The following GRM7 variants were observed in gnomAD, a reference collection of about 807,000 sequenced individuals.
GRM7 encodes metabotropic glutamate receptor 7.
Under a neutral mutation model 84.5 loss-of-function variants are expected in GRM7, and 35 were observed. The ratio of observed to expected loss-of-function variants is 0.41; its 90% CI spans 0.32 to 0.55. The LOEUF (loss-of-function observed/expected upper bound fraction) is 0.55. Among genes scored for constraint, GRM7 ranks in the 20% least tolerant of loss-of-function variants. The probability of loss-of-function intolerance (pLI) is 0.19; values close to 1 mark genes in which losing one functional copy is unlikely to be tolerated. For missense variants in GRM7, 1,003 were observed against 1,194.6 expected (o/e 0.84, Z 2.36); for synonymous variants, 487 against 455.1 (o/e 1.07, Z -0.89).
chr3:6,933,723 G>A lies in GRM7; in HGVS notation c.519+71816G>A, dbSNP rs368849615. On this transcript the variant is annotated intron_variant, in intron 1 of 9. Coordinates refer to ENST00000357716, the MANE Select transcript of GRM7 (RefSeq NM_000844.4). ...CAGGCCACATTTTACCAAATCTGGCGAGAAAAGAAAATTAAAAAAAAAAAC... is the reference window on the plus strand; with the variant it reads ...CAGGCCACATTTTACCAAATCTGGCAAGAAAAGAAAATTAAAAAAAAAAAC... Among the ~76,000 whole-genome samples, 49 of 147,590 alleles carry A rather than the reference G, an allele frequency of 3.3e-4. 1 individual carries two copies. Among genetic ancestry groups the A allele is most frequent in the Admixed American group, 3.1e-3 (46 of 14,700 alleles).
At chr3:7,424,767 A>G (rs17047321) in intron 5 of GRM7, among the ~76,000 whole-genome samples, 6,081 of 152,266 alleles carry the variant, frequency 0.04, 404 homozygotes, top group African/African-American at 0.13. Context: ...ATTCCAGTAC[A>G]GGAGGCAGAA....
intron 6 of GRM7, among the ~76,000 whole-genome samples, chr3:7,460,139 C>T (rs973244654): frequency 4.6e-5 from 6 of 129,174 alleles, no homozygotes; most frequent in African/African-American, 1.8e-4. Context: ...AGATGCCAAA[C>T]CTTGAGGAAG....
chr3:7,393,667 G>C (rs1435340904), intron 4 of GRM7, among the ~76,000 whole-genome samples: 1 of 152,180 alleles, frequency 6.6e-6, no homozygotes, highest in Non-Finnish European at 1.5e-5. Flanking sequence ...CAGCCATCTT[G>C]ATTGTCTCTT....
At chr3:7,718,688 C>T (rs547243635) in intron 9 of GRM7, among the ~76,000 whole-genome samples, 14 of 152,234 alleles carry the variant, frequency 9.2e-5, no homozygotes, top group Middle Eastern at 3.4e-3. Flanking sequence ...GAGACTTATC[C>T]AAAGACCATC....
rs1487887901 is a variant in GRM7, at chr3:6,990,421, T to G, written c.519+128514T>G. On this transcript the variant is annotated intron_variant, in intron 1 of 9. Coordinates refer to ENST00000357716, the MANE Select transcript of GRM7 (RefSeq NM_000844.4). ...TTAATACTGGGTTGGGAGATGGGTGTTAGGAATCACATATAAATACAAAAT... is the reference window on the plus strand; with the variant it reads ...TTAATACTGGGTTGGGAGATGGGTGGTAGGAATCACATATAAATACAAAAT... 2.0e-5 allele frequency among the ~76,000 whole-genome samples: 3 copies of G among 152,204 alleles called. 1 individual carries two copies. Among genetic ancestry groups the G allele is most frequent in the Non-Finnish European group, 4.4e-5 (3 of 68,038 alleles).
chr3:7,277,140 C>T (rs576038423), intron 2 of GRM7, among the ~76,000 whole-genome samples: 1 of 151,986 alleles, frequency 6.6e-6, no homozygotes, highest in East Asian at 1.9e-4. Context: ...CATCTCTGAT[C>T]TACTTTGCCC....
At chr3:7,373,794 G>A (rs999218281) in intron 4 of GRM7, among the ~76,000 whole-genome samples, 5 of 152,204 alleles carry the variant, frequency 3.3e-5, no homozygotes, top group Admixed American at 6.5e-5. Context: ...TCAACAGACC[G>A]TTCTGTGATG....
At chr3:7,313,932 GA>G (rs1700494310) in intron 4 of GRM7, among the ~76,000 whole-genome samples, 1 of 152,094 alleles carries the variant, frequency 6.6e-6, no homozygotes, top group African/African-American at 2.4e-5. Context: ...GAGAGAGAGA[GA>G]GAGATTTAAT....
intron 4 of GRM7, among the ~76,000 whole-genome samples, chr3:7,386,357 A>G (rs1694785678): frequency 6.6e-6 from 1 of 152,076 alleles, no homozygotes; most frequent in Admixed American, 6.5e-5. Flanking sequence ...TTGGGCTTCT[A>G]ATGTACCTGT....
At chr3:7,409,304 A>G (rs921155508) in intron 4 of GRM7, among the ~76,000 whole-genome samples, 2 of 152,204 alleles carry the variant, frequency 1.3e-5, no homozygotes, top group Non-Finnish European at 2.9e-5. Context: ...TTTTATTGAG[A>G]TCACACAAAA....
intron 1 of GRM7, among the ~76,000 whole-genome samples, chr3:6,952,497 T>A (rs180698841): frequency 1.1e-4 from 16 of 152,292 alleles, no homozygotes; most frequent in Admixed American, 5.9e-4. Flanking sequence ...CAGTAATCTC[T>A]CCAGTTGCCT....
At chr3:7,370,170 C>T (rs1283435893) in intron 4 of GRM7, among the ~76,000 whole-genome samples, 1 of 152,124 alleles carries the variant, frequency 6.6e-6, no homozygotes, top group African/African-American at 2.4e-5. Flanking sequence ...TTTTGGGTAT[C>T]TGAAGCCAAG....
chr3:7,016,318 G>A (rs114603773), intron 1 of GRM7, among the ~76,000 whole-genome samples: 2,685 of 152,256 alleles, frequency 0.018, 95 homozygotes, highest in African/African-American at 0.06. Context: ...AGAAGAAGGT[G>A]TTTTACTTGG....
chr3:7,599,442 C>A (rs1473100025), intron 8 of GRM7, among the ~76,000 whole-genome samples: 2 of 152,188 alleles, frequency 1.3e-5, no homozygotes, highest in Non-Finnish European at 2.9e-5. Flanking sequence ...GTCCCTGTAT[C>A]CCGAGTGATG....
intron 9 of GRM7, among the ~76,000 whole-genome samples, chr3:7,728,871 A>T (rs567457890): frequency 6.6e-6 from 1 of 152,166 alleles, no homozygotes; most frequent in South Asian, 2.1e-4. Context: ...TTCGTTTAGA[A>T]TCCCACTGTA....
intron 1 of GRM7, among the ~76,000 whole-genome samples, chr3:7,011,353 T>A (rs1575126957): frequency 6.6e-6 from 1 of 152,222 alleles, no homozygotes; most frequent in African/African-American, 2.4e-5. Flanking sequence ...ATTAGTGAAT[T>A]GGTAAATCTC....
intron 6 of GRM7, among the ~76,000 whole-genome samples, chr3:7,455,720 A>G (rs535824141): frequency 1.3e-5 from 2 of 152,308 alleles, no homozygotes; most frequent in African/African-American, 4.8e-5. Flanking sequence ...ACTACTGTCA[A>G]ATGTAATGGG....
At chr3:7,429,798 A>T (rs1004350379) in intron 5 of GRM7, among the ~76,000 whole-genome samples, 4 of 152,264 alleles carry the variant, frequency 2.6e-5, no homozygotes, top group African/African-American at 9.6e-5. Flanking sequence ...TTAAAGAGTT[A>T]ACACAATTTA....
chr3:7,488,468 T>C (rs1213540193), intron 7 of GRM7, among the ~76,000 whole-genome samples: 1 of 152,164 alleles, frequency 6.6e-6, no homozygotes, highest in African/African-American at 2.4e-5. Context: ...CATGAAGGGA[T>C]TAACAGTCTC....
Sources: allele counts gnomAD v4.1 joint callset (sites outside exome capture counted in the v4.1 genomes callset), GRCh38; gene constraint gnomAD v4.1.1; transcripts MANE v1.5; gene names NCBI Gene and HGNC (gene_info 2026-07-23, HGNC 2026-07-21).